The following NRXN1 variants were observed in gnomAD, a reference collection of about 807,000 sequenced individuals.
NRXN1 encodes the protein neurexin 1.
Under a neutral mutation model 150.9 loss-of-function variants are expected in NRXN1, and 39 were observed. The observed-to-expected ratio is 0.26, with a 90% CI of 0.20 to 0.34. The LOEUF (loss-of-function observed/expected upper bound fraction) is 0.34, where lower values mean the gene tolerates loss of function less well. NRXN1 is among the 10% of genes least tolerant of loss of function. The pLI is 1.00. For missense variants in NRXN1, 1,815 were observed against 1,949.9 expected (o/e 0.93, Z 1.30); for synonymous variants, 924 against 757.0 (o/e 1.22, Z -3.62).
At chr2:50,653,402 T>C (rs1194844958) in intron 5 of NRXN1, among the ~76,000 whole-genome samples, 1 of 152,030 alleles carries the variant, frequency 6.6e-6, no homozygotes, top group Admixed American at 6.6e-5. Flanking sequence ...AGTCTCTTAA[T>C]GGCTGGAGGT....
chr2:50,859,258 C>T (rs1418609978), intron 5 of NRXN1, among the ~76,000 whole-genome samples: 1 of 152,012 alleles, frequency 6.6e-6, no homozygotes, highest in Admixed American at 6.6e-5. Context: ...CAGCAACCCA[C>T]CAGACCTCTG....
intron 18 of NRXN1, chr2:50,199,377 T>A (rs1219601603): frequency 6.6e-6 from 1 of 152,094 alleles, no homozygotes; most frequent in South Asian, 2.1e-4. Context: ...CAGAGAAATA[T>A]ACTGTTTTTG....
At chr2:50,318,424 A>G (rs1359743796) in intron 17 of NRXN1, among the ~76,000 whole-genome samples, 1 of 152,098 alleles carries the variant, frequency 6.6e-6, no homozygotes, top group African/African-American at 2.4e-5. Flanking sequence ...TACTGCAACA[A>G]TACTGCTCCT....
rs116023955 is a variant in NRXN1, at chr2:49,931,420, G to A, written c.4217-9169C>T. On this transcript the variant is annotated intron_variant, in intron 22 of 22. Transcript: ENST00000401669. ...GACTAAAGTCACTAAGCTATTTAAA[G>A]TTAACTGAGTCATCAGTTTGATTCA... Among the ~76,000 whole-genome samples the A allele has an allele frequency of 3.1e-3, 472 of 152,098 alleles. 2 individuals are homozygous for A. Among genetic ancestry groups the A allele is most frequent in the African/African-American group, 0.011 (438 of 41,498 alleles).
At chr2:50,561,176 G>C (rs1669020374) in intron 8 of NRXN1, among the ~76,000 whole-genome samples, 1 of 152,176 alleles carries the variant, frequency 6.6e-6, no homozygotes. Context: ...GACAACATTA[G>C]GTGCAATCTG....
intron 2 of NRXN1, among the ~76,000 whole-genome samples, chr2:51,020,493 G>A (rs999726597): frequency 6.6e-6 from 1 of 151,922 alleles, no homozygotes; most frequent in Non-Finnish European, 1.5e-5. Flanking sequence ...CAAAGTAGAT[G>A]TAAAGAAATA....
At chr2:50,214,966 T>C (rs564817980) in intron 18 of NRXN1, among the ~76,000 whole-genome samples, 1 of 152,156 alleles carries the variant, frequency 6.6e-6, no homozygotes, top group East Asian at 1.9e-4. Context: ...CACTTTAATA[T>C]AGCTAGGTCC....
intron 5 of NRXN1, among the ~76,000 whole-genome samples, chr2:50,891,460 C>G (rs915604509): frequency 6.6e-6 from 1 of 152,072 alleles, no homozygotes; most frequent in African/African-American, 2.4e-5. Context: ...TAAATATACA[C>G]GAGTATTTTA....
chr2:50,894,483 C>T (rs1199182593), intron 5 of NRXN1, among the ~76,000 whole-genome samples: 1 of 151,766 alleles, frequency 6.6e-6, no homozygotes, highest in Non-Finnish European at 1.5e-5. Context: ...TTCCTATTTT[C>T]CCCATGTTTT....
intron 8 of NRXN1, among the ~76,000 whole-genome samples, chr2:50,592,594 A>C (rs1674470503): frequency 6.6e-6 from 1 of 152,342 alleles, no homozygotes; most frequent in African/African-American, 2.4e-5. Context: ...GGGAGTAAAA[A>C]GTGAAAAGAC....
intron 2 of NRXN1, among the ~76,000 whole-genome samples, chr2:50,959,548 G>A (rs13005225): frequency 0.25 from 37,471 of 151,906 alleles, 5,920 homozygotes; most frequent in East Asian, 0.49. Flanking sequence ...GAACAGGTAG[G>A]TCTATAGAGC....
intron 5 of NRXN1, among the ~76,000 whole-genome samples, chr2:50,848,591 T>C (rs1197446059): frequency 6.6e-6 from 1 of 152,128 alleles, no homozygotes; most frequent in African/African-American, 2.4e-5. Flanking sequence ...GGAAAAACCC[T>C]GTGGGGTTTT....
intron 17 of NRXN1, among the ~76,000 whole-genome samples, chr2:50,270,804 C>A (rs1249048874): frequency 6.6e-6 from 1 of 151,736 alleles, no homozygotes; most frequent in Non-Finnish European, 1.5e-5. Context: ...CAAGTAGCTG[C>A]GGCTACACCA....
In NRXN1 at chr2:50,794,164, G is replaced by C. The variant is rs983878897; in HGVS notation, c.832+127705C>G. 1.3e-4 allele frequency among the ~76,000 whole-genome samples: 20 copies of C among 152,040 alleles called. 1 individual carries two copies. Among genetic ancestry groups the C allele is most frequent in the Non-Finnish European group, 2.9e-5 (2 of 67,972 alleles). ...AATCAGCATCAAACCCTTTTTCATA[G>C]GCATTTTTCAGGTTTCTTTGTTACA... is the stretch of plus-strand genomic sequence containing the variant. On this transcript the variant is annotated intron_variant, in intron 5 of 22. Coordinates refer to ENST00000401669, the MANE Select transcript of NRXN1 (RefSeq NM_001330078.2).
At chr2:50,427,876 C>T (rs549736623) in intron 17 of NRXN1, among the ~76,000 whole-genome samples, 1 of 152,242 alleles carries the variant, frequency 6.6e-6, no homozygotes, top group Non-Finnish European at 1.5e-5. Context: ...AAATGCCTGA[C>T]TTTAGAGAGA....
chr2:51,011,383 T>A (rs1370508522), intron 2 of NRXN1, among the ~76,000 whole-genome samples: 1 of 151,900 alleles, frequency 6.6e-6, no homozygotes, highest in Non-Finnish European at 1.5e-5. Context: ...AGAAATCAGA[T>A]GGGATGATAA....
chr2:50,320,180 T>C (rs192354363), intron 17 of NRXN1, among the ~76,000 whole-genome samples: 28 of 151,066 alleles, frequency 1.9e-4, no homozygotes, highest in African/African-American at 6.3e-4. Flanking sequence ...ACAATTCTAA[T>C]GAGAAGGGTC....
chr2:50,697,909 C>T (rs1287226151), intron 5 of NRXN1, among the ~76,000 whole-genome samples: 1 of 152,178 alleles, frequency 6.6e-6, no homozygotes, highest in Non-Finnish European at 1.5e-5. Flanking sequence ...TAGCTCTTCA[C>T]ACGGCTGCAC....
chr2:50,573,875 A>G (rs1037458247), intron 8 of NRXN1, among the ~76,000 whole-genome samples: 8 of 152,122 alleles, frequency 5.3e-5, no homozygotes, highest in Non-Finnish European at 8.8e-5. Context: ...AAAGTATACA[A>G]GAGAATGTGC....
Sources: gnomAD v4.1 joint callset for allele counts (sites outside exome capture counted in the v4.1 genomes callset) on GRCh38, gnomAD v4.1.1 for gene constraint, MANE v1.5 for transcripts, NCBI Gene and HGNC (gene_info 2026-07-23, HGNC 2026-07-21) for gene names.